Variants in DCDC2 observed in about 807,000 individuals in gnomAD.
DCDC2 encodes the protein doublecortin domain containing 2.
DCDC2 carries 40 observed loss-of-function variants against 50.2 expected under a neutral mutation model. That is an observed-to-expected ratio of 0.80 (90% CI 0.62 to 1.04). The LOEUF is 1.04. Ranked by LOEUF, DCDC2 falls within the 50% of genes least tolerant of loss-of-function variation. The pLI is 0.00. For synonymous variants in DCDC2, 234 were observed against 210.6 expected, an observed-to-expected ratio of 1.11 and a Z score of -0.96; for missense variants, 570 against 581.9, an observed-to-expected ratio of 0.98 and a Z score of 0.21.
At chr6:24,366,746 T>C in the DCDC2 span, among the ~76,000 whole-genome samples, 2 of 152,208 alleles carry the variant, frequency 1.3e-5, no homozygotes, top group Admixed American at 6.5e-5. Context: ...AAAGAGAATA[T>C]TGGTAGACTT....
At chr6:24,350,412 GACTC>G (rs1760346345) in intron 2 of DCDC2, among the ~76,000 whole-genome samples, 1 of 152,200 alleles carries the variant, frequency 6.6e-6, no homozygotes, top group Non-Finnish European at 1.5e-5. Flanking sequence ...CACTCTGCAT[GACTC>G]CACTGAAATG....
chr6:24,339,032 A>G (rs1760107835), intron 2 of DCDC2, among the ~76,000 whole-genome samples: 1 of 73,026 alleles, frequency 1.4e-5, no homozygotes, highest in Non-Finnish European at 2.6e-5. Context: ...TATCTCTCAC[A>G]TAGTTCCATT....
intron 6 of DCDC2, among the ~76,000 whole-genome samples, chr6:24,287,245 G>A (rs1042924611): frequency 3.9e-5 from 6 of 152,340 alleles, no homozygotes; most frequent in African/African-American, 9.6e-5. Context: ...TCATTGTCCC[G>A]GGGCTCGGGA....
At chr6:24,276,598 G>T (rs1216594514) in intron 7 of DCDC2, among the ~76,000 whole-genome samples, 1 of 151,812 alleles carries the variant, frequency 6.6e-6, no homozygotes, top group Admixed American at 6.6e-5. Flanking sequence ...AGGCTTTGGG[G>T]GCCTCACAAT....
At chr6:24,376,695 T>C in the DCDC2 span, among the ~76,000 whole-genome samples, 5 of 112,894 alleles carry the variant, frequency 4.4e-5, no homozygotes, top group Middle Eastern at 9.3e-3. Context: ...AGTATGAAAA[T>C]ATAGGGGTTT....
At position 24,327,475 on chromosome 6, in the gene DCDC2, T is replaced by G. The variant is rs760543294; in HGVS notation, c.349-25431A>C. ...AAACTTATTTATTTATTTATTTATTTATTTATTTATTGGCTGATACGGAGT... is the reference window on the plus strand; with the variant it reads ...AAACTTATTTATTTATTTATTTATTGATTTATTTATTGGCTGATACGGAGT... On this transcript the variant is annotated intron_variant, in intron 2 of 9. Coordinates refer to ENST00000378454, the MANE Select transcript of DCDC2 (RefSeq NM_016356.5). Among the ~76,000 whole-genome samples, 44 of 129,310 alleles carry G rather than the reference T, an allele frequency of 3.4e-4. 3 individuals carry two copies. The highest frequency in any genetic ancestry group is 5.8e-4 in the Non-Finnish European group (34 of 58,518). The allele number at this position is 129,310 out of a possible 152,430, so 84.8% of individuals were successfully genotyped here.
At chr6:24,205,147 A>T (rs1761683856) in intron 7 of DCDC2, 45 bp from the exon 8 acceptor site, 1 of 1,614,016 alleles carries the variant, frequency 6.2e-7, no homozygotes, top group African/African-American at 1.3e-5. Context: ...CAATTGTGAC[A>T]TCGTGTGGCT....
rs186783505 is a variant in DCDC2 at position 24,297,272 on chromosome 6, G to A, written c.557+4443C>T. ...GGGGGAGATAAATGAGGACACATGC[G>A]CACAAAGAGAAGAACAACAGGCACT... On this transcript the variant is annotated intron_variant, in intron 4 of 9. Coordinates refer to ENST00000378454, the MANE Select transcript of DCDC2 (RefSeq NM_016356.5). 2.1e-3 allele frequency among the ~76,000 whole-genome samples: 323 copies of A among 152,038 alleles called. 3 individuals are homozygous for A. In the Middle Eastern group the frequency reaches 0.048, roughly 22 times the overall value.
At chr6:24,295,700 C>T (rs950298035) in intron 4 of DCDC2, among the ~76,000 whole-genome samples, 10 of 152,078 alleles carry the variant, frequency 6.6e-5, no homozygotes, top group African/African-American at 1.9e-4. Context: ...AGCACCATAT[C>T]AGGAGCACAT....
intron 2 of DCDC2, among the ~76,000 whole-genome samples, chr6:24,342,128 T>C (rs987012092): frequency 6.6e-6 from 1 of 152,222 alleles, no homozygotes; most frequent in Non-Finnish European, 1.5e-5. Context: ...CCTTATTCCT[T>C]TAATGCATCT....
At chr6:24,220,872 G>GAGAGAC (rs1237131221) in intron 7 of DCDC2, among the ~76,000 whole-genome samples, 2 of 144,444 alleles carry the variant, frequency 1.4e-5, no homozygotes, top group South Asian at 4.7e-4. Flanking sequence ...CAGAGAGCAA[G>GAGAGAC]AGAGCGAGAG....
At chr6:24,327,113 C>T (rs945878581) in intron 2 of DCDC2, among the ~76,000 whole-genome samples, 6 of 149,250 alleles carry the variant, frequency 4.0e-5, no homozygotes, top group African/African-American at 1.5e-4. Flanking sequence ...TCAAAACTTA[C>T]AATTAACTGG....
At chr6:24,216,287 G>A (rs1178461318) in intron 7 of DCDC2, among the ~76,000 whole-genome samples, 1 of 151,542 alleles carries the variant, frequency 6.6e-6, no homozygotes, top group Non-Finnish European at 1.5e-5. Flanking sequence ...GGGCAGAAGA[G>A]AAACTCACAA....
intron 7 of DCDC2, among the ~76,000 whole-genome samples, chr6:24,207,510 T>A (rs1488723431): frequency 6.6e-6 from 1 of 152,174 alleles, no homozygotes; most frequent in Admixed American, 6.5e-5. Flanking sequence ...TAGATACTAT[T>A]CATCTGATTG....
At chr6:24,382,009 A>AGGAAGGC in the DCDC2 span, among the ~76,000 whole-genome samples, 68 of 116,500 alleles carry the variant, frequency 5.8e-4, no homozygotes, top group African/African-American at 2.3e-3. Context: ...GGAAGGAAGG[A>AGGAAGGC]AGGCAGGCAA....
At chr6:24,364,090 C>A in the DCDC2 span, among the ~76,000 whole-genome samples, 1 of 152,026 alleles carries the variant, frequency 6.6e-6, no homozygotes, top group African/African-American at 2.4e-5. Flanking sequence ...CCCTTATCCC[C>A]CCATTCCTAT....
At chr6:24,354,673 T>C (rs534665487) in intron 1 of DCDC2, among the ~76,000 whole-genome samples, 8 of 152,260 alleles carry the variant, frequency 5.3e-5, no homozygotes, top group Admixed American at 2.0e-4. Context: ...TATTCTGTCA[T>C]GTGCAGGAAA....
At chr6:24,188,314 G>A (rs1410049125) in intron 8 of DCDC2, among the ~76,000 whole-genome samples, 2 of 151,954 alleles carry the variant, frequency 1.3e-5, no homozygotes, top group African/African-American at 4.8e-5. Context: ...CTGTAATAGT[G>A]CCCTGAAATC....
intron 7 of DCDC2, among the ~76,000 whole-genome samples, chr6:24,236,690 A>G (rs1762445956): frequency 6.6e-6 from 1 of 151,362 alleles, no homozygotes; most frequent in Admixed American, 6.6e-5. Context: ...AATCAACAAG[A>G]AAAAAAAACA....
Sources: allele counts gnomAD v4.1 joint callset (sites outside exome capture counted in the v4.1 genomes callset), GRCh38; gene constraint gnomAD v4.1.1; transcripts MANE v1.5; gene names NCBI Gene and HGNC (gene_info 2026-07-23, HGNC 2026-07-21).